The following DOCK3 variants were observed in gnomAD, a reference collection of about 807,000 sequenced individuals.
DOCK3 encodes the protein dedicator of cytokinesis protein 3.
DOCK3 carries 60 observed loss-of-function variants against 265.6 expected under a neutral mutation model. The observed-to-expected ratio is 0.23, with a 90% CI of 0.18 to 0.28. The LOEUF (loss-of-function observed/expected upper bound fraction) is 0.28, where lower values mean the gene tolerates loss of function less well. Among genes scored for constraint, DOCK3 ranks in the 10% least tolerant of loss-of-function variants. The probability of loss-of-function intolerance (pLI) is 1.00; values close to 1 mark genes in which losing one functional copy is unlikely to be tolerated. For missense variants in DOCK3, 1,981 were observed against 2,594.3 expected (o/e 0.76, Z 5.14); for synonymous variants, 881 against 938.0 (o/e 0.94, Z 1.11).
At chr3:51,201,658 C>T (rs574098955) in intron 12 of DOCK3, among the ~76,000 whole-genome samples, 23 of 152,140 alleles carry the variant, frequency 1.5e-4, no homozygotes, top group African/African-American at 2.4e-4. Context: ...AACTCAGCTC[C>T]GCACCAAGCA....
At chr3:51,198,099 T>G (rs1178978812) in intron 12 of DOCK3, among the ~76,000 whole-genome samples, 1 of 152,246 alleles carries the variant, frequency 6.6e-6, no homozygotes, top group Non-Finnish European at 1.5e-5. Flanking sequence ...GCCTCAGTCC[T>G]GGCACTACTG....
chr3:51,192,980 C>T (rs1312063230), intron 12 of DOCK3, among the ~76,000 whole-genome samples: 1 of 152,090 alleles, frequency 6.6e-6, no homozygotes, highest in African/African-American at 2.4e-5. Context: ...AGGTGGATAA[C>T]TTTGTCTTGT....
intron 1 of DOCK3, among the ~76,000 whole-genome samples, chr3:50,753,605 C>T (rs2108326429): frequency 6.6e-6 from 1 of 152,260 alleles, no homozygotes; most frequent in South Asian, 2.1e-4. Flanking sequence ...TCAGGCAGTC[C>T]TTCTGTCTTG....
Position 51,315,022 on chromosome 3 carries a change from T to G in DOCK3, c.3296T>G (p.Phe1099Cys). 6.2e-7 allele frequency: 1 copy of G among 1,612,244 alleles called. No homozygotes were observed. The change falls in exon 32 of 53, where the codon TTT (phenylalanine) becomes TGT (cysteine). Residue 1099 changes from phenylalanine (F) to cysteine (C), a missense_variant. Around this residue, in one of 4 missense-constraint regions of DOCK3, gnomAD observed 1,357 missense variants for 1,866.8 expected, o/e 0.73. Coordinates refer to ENST00000266037, the MANE Select transcript of DOCK3 (RefSeq NM_004947.5). ...TTTATTCCGGGAATGATTGGTCCTTTTCTGGGTGTGACACTGGTCCCACAG... is the reference window on the plus strand; with the variant it reads ...TTTATTCCGGGAATGATTGGTCCTTGTCTGGGTGTGACACTGGTCCCACAG... ...IHFIPGMIGP[F>C]LGVTLVPQPE... is the part of the protein sequence containing the mutation.
intron 5 of DOCK3, among the ~76,000 whole-genome samples, chr3:50,953,835 C>T (rs1559857527): frequency 6.6e-6 from 1 of 152,112 alleles, no homozygotes; most frequent in Non-Finnish European, 1.5e-5. Flanking sequence ...GTTAAGCTTT[C>T]ACGTGCACTC....
chr3:50,678,460 C>T (rs1285834384), intron 1 of DOCK3, among the ~76,000 whole-genome samples: 1 of 152,056 alleles, frequency 6.6e-6, no homozygotes, highest in Non-Finnish European at 1.5e-5. Flanking sequence ...CTTTTCTCAC[C>T]CTCTAACAGG....
intron 1 of DOCK3, among the ~76,000 whole-genome samples, chr3:50,727,734 A>G (rs906279030): frequency 2.0e-5 from 3 of 152,178 alleles, no homozygotes; most frequent in African/African-American, 2.4e-5. Flanking sequence ...GAAAGGGTCA[A>G]TTTATTGAAG....
intron 2 of DOCK3, among the ~76,000 whole-genome samples, chr3:50,819,118 C>T (rs1437115855): frequency 6.6e-6 from 1 of 152,210 alleles, no homozygotes; most frequent in Non-Finnish European, 1.5e-5. Flanking sequence ...CTGAAGCCAT[C>T]TTTTTCATGT....
chr3:50,856,629 TTGTC>T (rs1465772900), intron 3 of DOCK3, among the ~76,000 whole-genome samples: 1 of 152,042 alleles, frequency 6.6e-6, no homozygotes, highest in Non-Finnish European at 1.5e-5. Flanking sequence ...ATTCTGTAGG[TTGTC>T]TGTTTATTCT....
rs2086773387 is a variant in DOCK3 at position 51,362,012 on chromosome 3, A to C, written c.5145+15A>C. 6.3e-7 allele frequency: 1 copy of C among 1,597,668 alleles called. No homozygotes were observed. The highest frequency in any genetic ancestry group is 8.5e-7 in the Non-Finnish European group (1 of 1,171,920). ...ACCACATGCAGGTACAGAGCTGTCC[A>C]CGGAGAGTGGGCCAGGGCACCATGC... On this transcript the variant is annotated intron_variant, in intron 48 of 52. Transcript: ENST00000266037.
intron 14 of DOCK3, among the ~76,000 whole-genome samples, chr3:51,216,648 A>T (rs555673271): frequency 1.3e-5 from 2 of 152,316 alleles, no homozygotes; most frequent in South Asian, 4.1e-4. Flanking sequence ...GTGGGCTGTT[A>T]GCAACTTGCA....
At chr3:50,910,470 G>A (rs2049800084) in intron 4 of DOCK3, among the ~76,000 whole-genome samples, 1 of 152,118 alleles carries the variant, frequency 6.6e-6, no homozygotes, top group African/African-American at 2.4e-5. Context: ...CACAGCCCCA[G>A]GACTTGTCCA....
chr3:51,327,912 C>G (rs999123793), intron 32 of DOCK3, among the ~76,000 whole-genome samples: 3 of 152,028 alleles, frequency 2.0e-5, no homozygotes, highest in African/African-American at 7.2e-5. Context: ...AAACTCCTGA[C>G]CTCAGGTGAT....
intron 7 of DOCK3, among the ~76,000 whole-genome samples, chr3:51,075,823 G>C (rs1009546245): frequency 1.3e-5 from 2 of 152,148 alleles, no homozygotes; most frequent in African/African-American, 4.8e-5. Context: ...TAATGTACTA[G>C]TCTTTCTAGA....
intron 5 of DOCK3, among the ~76,000 whole-genome samples, chr3:50,990,409 G>A (rs2078063039): frequency 6.6e-6 from 1 of 152,156 alleles, no homozygotes; most frequent in Non-Finnish European, 1.5e-5. Context: ...AAGCTAGAGA[G>A]AAAGGGCAGG....
chr3:50,916,038 C>G (rs2050101010), intron 4 of DOCK3, among the ~76,000 whole-genome samples: 1 of 152,044 alleles, frequency 6.6e-6, no homozygotes, highest in South Asian at 2.1e-4. Context: ...GCAAGATACA[C>G]TCCAGCCATA....
chr3:50,932,633 G>C (rs1009303249), intron 4 of DOCK3, among the ~76,000 whole-genome samples: 5 of 152,128 alleles, frequency 3.3e-5, no homozygotes, highest in African/African-American at 4.8e-5. Flanking sequence ...GCTGGTCCCA[G>C]TCATACCAGC....
intron 12 of DOCK3, among the ~76,000 whole-genome samples, chr3:51,198,806 G>A (rs888812081): frequency 6.6e-6 from 1 of 152,156 alleles, no homozygotes; most frequent in East Asian, 1.9e-4. Flanking sequence ...GAGTCAGGCG[G>A]ATCACTTGGG....
chr3:51,157,376 G>A (rs1262819009), intron 10 of DOCK3, among the ~76,000 whole-genome samples: 4 of 152,088 alleles, frequency 2.6e-5, no homozygotes, highest in Non-Finnish European at 5.9e-5. Context: ...CTCCCGAGTA[G>A]CTGGGATTAC....
Sources: gnomAD v4.1 joint callset for allele counts (sites outside exome capture counted in the v4.1 genomes callset) on GRCh38, gnomAD v4.1.1 for gene constraint, gnomAD v4.1.1 regional missense constraint, MANE v1.5 for transcripts, NCBI Gene and HGNC (gene_info 2026-07-23, HGNC 2026-07-21) for gene names.